The following HDAC9 variants were observed in gnomAD, a reference collection of about 807,000 sequenced individuals.
The protein encoded by HDAC9 is histone deacetylase 9.
A neutral mutation model predicts 139.4 loss-of-function variants in HDAC9; 41 were observed. That is an observed-to-expected ratio of 0.29 (90% CI 0.23 to 0.38). The LOEUF is 0.38. Ranked by LOEUF, HDAC9 falls within the 10% of genes least tolerant of loss-of-function variation. The pLI is 1.00. For missense variants in HDAC9, 1,147 were observed against 1,297.0 expected (o/e 0.88, Z 1.78); for synonymous variants, 517 against 476.2 (o/e 1.09, Z -1.12).
At chr7:18,836,667 C>T (rs1796259446) in intron 21 of HDAC9, among the ~76,000 whole-genome samples, 1 of 152,004 alleles carries the variant, frequency 6.6e-6, no homozygotes, top group Non-Finnish European at 1.5e-5. Context: ...AAATCAAAGG[C>T]TTCTCTTTGA....
chr7:18,658,427 T>C (rs1194268818), intron 11 of HDAC9, among the ~76,000 whole-genome samples: 1 of 152,132 alleles, frequency 6.6e-6, no homozygotes, highest in African/African-American at 2.4e-5. Flanking sequence ...AAAAATTTAA[T>C]TGCAGGCATT....
intron 2 of HDAC9, among the ~76,000 whole-genome samples, chr7:18,255,651 T>C (rs117123037): frequency 0.023 from 2,878 of 123,824 alleles, 43 homozygotes; most frequent in Middle Eastern, 0.041. Context: ...TTTTTGGAGA[T>C]GGAGTCTCGC....
intron 1 of HDAC9, among the ~76,000 whole-genome samples, chr7:18,390,098 C>T (rs113724530): frequency 3.3e-4 from 29 of 87,104 alleles, no homozygotes; most frequent in African/African-American, 8.5e-4. Flanking sequence ...ACACACACGT[C>T]GTAGAGAAGG....
intron 1 of HDAC9, among the ~76,000 whole-genome samples, chr7:18,425,788 C>T (rs1790062512): frequency 6.6e-6 from 1 of 152,194 alleles, no homozygotes; most frequent in Non-Finnish European, 1.5e-5. Flanking sequence ...CTAGAACGAA[C>T]TGCAAGTCCC....
At chr7:18,738,269 A>G (rs537616674) in intron 13 of HDAC9, among the ~76,000 whole-genome samples, 1 of 152,212 alleles carries the variant, frequency 6.6e-6, no homozygotes, top group Non-Finnish European at 1.5e-5. Context: ...ATTTAAGGTT[A>G]ATATTGTTAT....
chr7:18,782,615 A>G (rs1394185220), intron 16 of HDAC9, among the ~76,000 whole-genome samples: 1 of 152,078 alleles, frequency 6.6e-6, no homozygotes, highest in Non-Finnish European at 1.5e-5. Flanking sequence ...GATTGGAGGT[A>G]GTTCCTGGCT....
intron 12 of HDAC9, among the ~76,000 whole-genome samples, chr7:18,698,756 A>G (rs1302697576): frequency 6.6e-6 from 1 of 152,222 alleles, no homozygotes; most frequent in African/African-American, 2.4e-5. Flanking sequence ...GGTCTGTAAT[A>G]GGTGGATATT....
At chr7:18,826,968 T>C (rs1365878388) in intron 17 of HDAC9, among the ~76,000 whole-genome samples, 1 of 151,902 alleles carries the variant, frequency 6.6e-6, no homozygotes, top group East Asian at 1.9e-4. Flanking sequence ...ATATGTGAAA[T>C]TTAGCCGGGT....
chr7:18,430,121 G>A (rs886636080), intron 1 of HDAC9, among the ~76,000 whole-genome samples: 1 of 152,152 alleles, frequency 6.6e-6, no homozygotes, highest in African/African-American at 2.4e-5. Flanking sequence ...AGTACGCAAA[G>A]CCAGGAATGC....
chr7:18,716,934 C>T (rs1226417002), intron 12 of HDAC9, among the ~76,000 whole-genome samples: 1 of 145,060 alleles, frequency 6.9e-6, no homozygotes, highest in African/African-American at 2.5e-5. Context: ...GTTTTGGATT[C>T]TTCATGATTT....
At chr7:18,153,200 G>A (rs1001236830) in intron 1 of HDAC9, among the ~76,000 whole-genome samples, 2 of 152,174 alleles carry the variant, frequency 1.3e-5, no homozygotes, top group Non-Finnish European at 2.9e-5. Context: ...TCACAGATGT[G>A]TTAGCGGTGA....
chr7:18,185,803 G>GA (rs1377025386), intron 2 of HDAC9, among the ~76,000 whole-genome samples: 1 of 152,070 alleles, frequency 6.6e-6, no homozygotes, highest in Non-Finnish European at 1.5e-5. Context: ...TGCAGTCAAT[G>GA]AAAAAATCCA....
chr7:18,214,102 A>G (rs1254048675), intron 2 of HDAC9, among the ~76,000 whole-genome samples: 4 of 152,138 alleles, frequency 2.6e-5, no homozygotes, highest in Non-Finnish European at 5.9e-5. Flanking sequence ...AAGCCTCACT[A>G]CAACATAGTA....
intron 12 of HDAC9, among the ~76,000 whole-genome samples, chr7:18,713,627 A>G (rs1784500790): frequency 6.6e-6 from 1 of 152,156 alleles, no homozygotes; most frequent in Non-Finnish European, 1.5e-5. Flanking sequence ...CATTTATGCA[A>G]GAAGATTTAT....
intron 1 of HDAC9, among the ~76,000 whole-genome samples, chr7:18,357,331 G>T (rs1001839938): frequency 6.6e-6 from 1 of 152,094 alleles, no homozygotes; most frequent in African/African-American, 2.4e-5. Flanking sequence ...TAAAAAAATC[G>T]TATTTGGGTG....
intron 22 of HDAC9, among the ~76,000 whole-genome samples, chr7:18,924,772 G>A (rs1184868939): frequency 2.6e-5 from 4 of 152,194 alleles, no homozygotes; most frequent in Non-Finnish European, 2.9e-5. Context: ...CTTATTGTGT[G>A]TCAGGTACTA....
intron 1 of HDAC9, among the ~76,000 whole-genome samples, chr7:18,322,276 T>G (rs1157349523): frequency 2.0e-5 from 3 of 152,214 alleles, no homozygotes; most frequent in Admixed American, 6.5e-5. Flanking sequence ...CTTGGCCTGT[T>G]TCTTTTTCAT....
chr7:18,403,364 G>A (rs961916563), intron 1 of HDAC9, among the ~76,000 whole-genome samples: 2 of 152,036 alleles, frequency 1.3e-5, no homozygotes, highest in African/African-American at 4.8e-5. Flanking sequence ...TTTATTGGGG[G>A]AAGGCAGAAC....
chr7:18,830,613 CTTAG>C (rs1295729045), intron 19 of HDAC9, among the ~76,000 whole-genome samples: 2 of 152,144 alleles, frequency 1.3e-5, no homozygotes, highest in African/African-American at 4.8e-5. Flanking sequence ...TGAAGAAATG[CTTAG>C]TTAAGTGAAA....
Sources: allele counts gnomAD v4.1 joint callset (sites outside exome capture counted in the v4.1 genomes callset), GRCh38; gene constraint gnomAD v4.1.1; transcripts MANE v1.5; gene names NCBI Gene and HGNC (gene_info 2026-07-23, HGNC 2026-07-21).